Variants in DMRT1 observed in about 807,000 individuals in gnomAD.
DMRT1 encodes the protein doublesex- and mab-3-related transcription factor 1.
A neutral mutation model predicts 32.3 loss-of-function variants in DMRT1; 7 were observed. That is an observed-to-expected ratio of 0.22 (90% CI 0.12 to 0.41). The LOEUF (loss-of-function observed/expected upper bound fraction) is 0.41. Ranked by LOEUF, DMRT1 falls within the 10% of genes least tolerant of loss-of-function variation. The probability of loss-of-function intolerance (pLI) is 1.00; values close to 1 mark genes in which losing one functional copy is unlikely to be tolerated. For synonymous variants in DMRT1, 278 were observed against 206.1 expected (o/e 1.35, Z -2.99); for missense variants, 625 against 500.5 (o/e 1.25, Z -2.37).
At chr9:879,016 G>C (rs1256873613) in intron 2 of DMRT1, among the ~76,000 whole-genome samples, 1 of 152,122 alleles carries the variant, frequency 6.6e-6, no homozygotes. Context: ...TTCATGGAAA[G>C]AAATATTTCA....
chr9:956,544 A>G (rs1467118758), intron 4 of DMRT1, among the ~76,000 whole-genome samples: 1 of 150,586 alleles, frequency 6.6e-6, no homozygotes, highest in East Asian at 2.0e-4. Context: ...AGCCTGGGAG[A>G]CAGAGCAAGA....
chr9:884,208 C>A (rs780173606), intron 2 of DMRT1, among the ~76,000 whole-genome samples: 1 of 152,018 alleles, frequency 6.6e-6, no homozygotes, highest in Non-Finnish European at 1.5e-5. Flanking sequence ...GGGGGGCAAG[C>A]CTTCACCCAC....
chr9:898,180 C>T (rs867068550), intron 3 of DMRT1, among the ~76,000 whole-genome samples: 3 of 149,682 alleles, frequency 2.0e-5, no homozygotes, highest in African/African-American at 4.9e-5. Context: ...CGTGCAGTGG[C>T]GTGATCTTGG....
chr9:879,529 TCA>T (rs1281165704), intron 2 of DMRT1, among the ~76,000 whole-genome samples: 1 of 152,202 alleles, frequency 6.6e-6, no homozygotes, highest in Admixed American at 6.5e-5. Context: ...AAATTCAGCT[TCA>T]CGTAGATAGT....
intron 3 of DMRT1, among the ~76,000 whole-genome samples, chr9:904,810 G>T (rs894343819): frequency 6.6e-6 from 1 of 152,166 alleles, no homozygotes; most frequent in African/African-American, 2.4e-5. Flanking sequence ...TGGGCGTGGA[G>T]GCAGGTGCCT....
Position 968,150 on chromosome 9 carries a change from C to T in DMRT1, c.*11C>T. 6.2e-7 allele frequency: 1 copy of T among 1,613,632 alleles called. No homozygotes were observed. Among genetic ancestry groups the T allele is most frequent in the Non-Finnish European group, 8.5e-7 (1 of 1,179,952 alleles). On this transcript the variant is annotated 3_prime_UTR_variant, in exon 5 of 5. Coordinates refer to ENST00000382276, the MANE Select transcript of DMRT1 (RefSeq NM_021951.3). ...GAGGAGGACGAGTGAGCAGTGCCTGCTGCCGATGGCGGTTCACTTGGAGTA... is the reference window on the plus strand; with the variant it reads ...GAGGAGGACGAGTGAGCAGTGCCTGTTGCCGATGGCGGTTCACTTGGAGTA...
intron 2 of DMRT1, among the ~76,000 whole-genome samples, chr9:870,709 C>CTCTTTTTTTTTTTTT (rs1816206857): frequency 1.4e-5 from 1 of 69,560 alleles, no homozygotes; most frequent in African/African-American, 6.6e-5. Context: ...ATTTTCTTGA[C>CTCTTTTTTTTTTTTT]TTTTTTTTTT....
chr9:930,781 C>G (rs57594918), intron 4 of DMRT1, among the ~76,000 whole-genome samples: 54,235 of 151,738 alleles, frequency 0.36, 13,655 homozygotes, highest in African/African-American at 0.72. Context: ...GGGCCTCAAG[C>G]GGCCTGTTTC....
intron 2 of DMRT1, among the ~76,000 whole-genome samples, chr9:866,027 G>A (rs1307695572): frequency 1.3e-5 from 2 of 151,946 alleles, no homozygotes; most frequent in Non-Finnish European, 2.9e-5. Flanking sequence ...AGCTGGATGT[G>A]GTGGTGGGTG....
Position 887,759 on chromosome 9 carries a change from G to C in DMRT1, c.539-6153G>C, listed in dbSNP as rs933637729. 4.5e-4 allele frequency among the ~76,000 whole-genome samples: 68 copies of C among 152,076 alleles called. 1 individual carries two copies. Among genetic ancestry groups the C allele is most frequent in the African/African-American group, 1.3e-3 (53 of 41,486 alleles). ...ACACCTCTCTATATAGAACCATTTG[G>C]TGACATTATCTATACTGTCACTGCG... On this transcript the variant is annotated intron_variant, in intron 2 of 4. Transcript: ENST00000382276.
At chr9:868,303 G>C (rs1816079693) in intron 2 of DMRT1, among the ~76,000 whole-genome samples, 1 of 152,158 alleles carries the variant, frequency 6.6e-6, no homozygotes, top group South Asian at 2.1e-4. Flanking sequence ...TACAAGGCAA[G>C]CATTATCCTG....
chr9:921,761 G>A (rs1301977772), intron 4 of DMRT1, among the ~76,000 whole-genome samples: 1 of 152,178 alleles, frequency 6.6e-6, no homozygotes, highest in Non-Finnish European at 1.5e-5. Flanking sequence ...CCCACCTGTA[G>A]TTCTGACTAC....
At position 894,093 on chromosome 9, in the gene DMRT1, T is replaced by C; in HGVS notation, c.720T>C (p.Ala240=). ...CCATGGCCTTGGCTGCTGATTCTGC[T>C]TCTGGGGAGGTGGGAAATCCCCTCG... ...QYSMALAADS[A]SGEVGNPLGG... is the part of the protein sequence containing the mutation. The change falls in exon 3 of 5, where the codon GCT becomes GCC. Residue 240 remains alanine (A), a synonymous_variant. Transcript: ENST00000382276. 6.2e-6 allele frequency: 10 copies of C among 1,614,266 alleles called. No homozygotes were observed. Among genetic ancestry groups the C allele is most frequent in the Non-Finnish European group, 8.5e-6 (10 of 1,180,058 alleles).
chr9:943,656 C>T (rs553968113), intron 4 of DMRT1, among the ~76,000 whole-genome samples: 43 of 152,164 alleles, frequency 2.8e-4, no homozygotes, highest in African/African-American at 8.4e-4. Flanking sequence ...TGGTCCATAG[C>T]GAAATGGACT....
intron 3 of DMRT1, among the ~76,000 whole-genome samples, chr9:897,090 A>ATATTATTAT (rs35331172): frequency 0.017 from 2,386 of 141,126 alleles, 60 homozygotes; most frequent in African/African-American, 0.051. Flanking sequence ...TTTTGGAATC[A>ATATTATTAT]TATTATTATT....
chr9:967,951 C>T (rs72701075), intron 4 of DMRT1, 34 bp from the exon 5 acceptor site: 76 of 1,603,634 alleles, frequency 4.7e-5, no homozygotes, highest in South Asian at 1.2e-4. Context: ...TCCCTTTCTC[C>T]CTTTCTCTCT....
chr9:944,970 G>T (rs987944409), intron 4 of DMRT1, among the ~76,000 whole-genome samples: 2 of 151,866 alleles, frequency 1.3e-5, no homozygotes, highest in African/African-American at 4.8e-5. Context: ...TTAATCTGGG[G>T]AATTGTCCAG....
intron 2 of DMRT1, among the ~76,000 whole-genome samples, chr9:868,802 G>A (rs1816104390): frequency 6.6e-6 from 1 of 152,182 alleles, no homozygotes; most frequent in Non-Finnish European, 1.5e-5. Context: ...TTGAGCCCAG[G>A]AGTTTGAGAT....
chr9:851,028 C>CAAAAAAAAAAAAAAAAAA (rs869227462), intron 2 of DMRT1, among the ~76,000 whole-genome samples: 1 of 94,812 alleles, frequency 1.1e-5, no homozygotes, highest in Non-Finnish European at 1.9e-5. Flanking sequence ...GACTCTATCT[C>CAAAAAAAAAAAAAAAAAA]AAAAAAAAAA....
Sources: allele counts gnomAD v4.1 joint callset (sites outside exome capture counted in the v4.1 genomes callset), GRCh38; gene constraint gnomAD v4.1.1; transcripts MANE v1.5; gene names NCBI Gene and HGNC (gene_info 2026-07-23, HGNC 2026-07-21).